Variants in MAPK10 observed in about 807,000 individuals in gnomAD.
MAPK10 encodes the protein mitogen-activated protein kinase 10.
MAPK10 carries 25 observed loss-of-function variants against 59.3 expected under a neutral mutation model. That is an observed-to-expected ratio of 0.42 (90% CI 0.31 to 0.59). The LOEUF is 0.59. Ranked by LOEUF, MAPK10 falls within the 20% of genes least tolerant of loss-of-function variation. The pLI, the probability that MAPK10 is intolerant of heterozygous loss-of-function variation, is 0.15. For synonymous variants in MAPK10, 190 were observed against 200.5 expected, an observed-to-expected ratio of 0.95 and a Z score of 0.44; for missense variants, 351 against 568.9, an observed-to-expected ratio of 0.62 and a Z score of 3.90.
intron 2 of MAPK10, among the ~76,000 whole-genome samples, chr4:86,247,173 T>C (rs181072017): frequency 6.6e-6 from 1 of 152,322 alleles, no homozygotes; most frequent in African/African-American, 2.4e-5. Context: ...GCGAAGCCTC[T>C]ATTGTACTAT....
intron 1 of MAPK10, among the ~76,000 whole-genome samples, chr4:86,379,806 G>T (rs542833009): frequency 6.6e-6 from 1 of 152,280 alleles, no homozygotes; most frequent in South Asian, 2.1e-4. Flanking sequence ...GAGGCTCTCA[G>T]CTCTGAAGGC....
At chr4:86,398,381 T>C (rs1226448700) in intron 1 of MAPK10, among the ~76,000 whole-genome samples, 2 of 152,142 alleles carry the variant, frequency 1.3e-5, no homozygotes, top group Non-Finnish European at 2.9e-5. Flanking sequence ...ATAGTATTAT[T>C]ATCAAAGTCC....
chr4:86,084,630 T>C (rs1294507990), intron 9 of MAPK10, among the ~76,000 whole-genome samples: 1 of 152,146 alleles, frequency 6.6e-6, no homozygotes, highest in African/African-American at 2.4e-5. Flanking sequence ...ATATTACATA[T>C]TCATTGATTG....
chr4:86,169,159 C>G (rs1427057027), intron 3 of MAPK10, among the ~76,000 whole-genome samples: 1 of 152,206 alleles, frequency 6.6e-6, no homozygotes. Flanking sequence ...CAGAGCGACT[C>G]TCCTCCTCCA....
chr4:86,116,241 C>A (rs1227134579), intron 4 of MAPK10, among the ~76,000 whole-genome samples: 2 of 152,172 alleles, frequency 1.3e-5, no homozygotes, highest in Non-Finnish European at 2.9e-5. Flanking sequence ...GTCTAGAGAT[C>A]CTGTCAGCCA....
chr4:86,250,705 A>T (rs1277301666), intron 2 of MAPK10, among the ~76,000 whole-genome samples: 1 of 152,158 alleles, frequency 6.6e-6, no homozygotes, highest in African/African-American at 2.4e-5. Flanking sequence ...TAAACCACAT[A>T]GTTTCTGAAA....
chr4:86,504,247 C>A (rs1755553848), intron 1 of MAPK10, among the ~76,000 whole-genome samples: 1 of 152,032 alleles, frequency 6.6e-6, no homozygotes, highest in South Asian at 2.1e-4. Flanking sequence ...GCACTTAATT[C>A]AATAAATATT....
intron 2 of MAPK10, among the ~76,000 whole-genome samples, chr4:86,199,712 A>T (rs1044652719): frequency 6.6e-6 from 1 of 152,054 alleles, no homozygotes; most frequent in Non-Finnish European, 1.5e-5. Context: ...TTATTTAAGC[A>T]TATGAAACAT....
chr4:86,509,173 G>T (rs1379276455), intron 1 of MAPK10, among the ~76,000 whole-genome samples: 2 of 151,890 alleles, frequency 1.3e-5, no homozygotes, highest in Non-Finnish European at 2.9e-5. Flanking sequence ...ATCTTAAAGG[G>T]CTTTCAAATT....
intron 1 of MAPK10, among the ~76,000 whole-genome samples, chr4:86,473,566 C>T (rs181103305): frequency 2.0e-5 from 3 of 152,296 alleles, no homozygotes; most frequent in Non-Finnish European, 2.9e-5. Flanking sequence ...TTCTCTGCTA[C>T]TCACATAGAG....
chr4:86,572,258 T>C (rs1279941988), intron 1 of MAPK10, among the ~76,000 whole-genome samples: 1 of 152,188 alleles, frequency 6.6e-6, no homozygotes, highest in African/African-American at 2.4e-5. Context: ...TGTGTAATAC[T>C]AGGAAACAAT....
intron 3 of MAPK10, among the ~76,000 whole-genome samples, chr4:86,160,059 C>A (rs752141151): frequency 2.0e-5 from 3 of 151,882 alleles, no homozygotes; most frequent in Non-Finnish European, 2.9e-5. Flanking sequence ...CAAAATTCTT[C>A]TTTGAATTAA....
rs1391909370 is a variant in MAPK10, at chr4:86,571,532, G to A, written c.-263+22378C>T. Among the ~76,000 whole-genome samples, 6 of 151,986 alleles carry A rather than the reference G, an allele frequency of 3.9e-5. No individual in the cohort carries two copies. The East Asian group carries it at 9.7e-4, about 24-fold the overall frequency. ...AACTGTCAAAAATAGGTTAAAAACC[G>A]GAAAGCATATGATCAAGTAACAATT... is the stretch of plus-strand genomic sequence containing the variant. On this transcript the variant is annotated intron_variant, in intron 1 of 4. Transcript: ENST00000502302.
At chr4:86,475,110 C>T (rs1752971268) in intron 1 of MAPK10, among the ~76,000 whole-genome samples, 1 of 152,116 alleles carries the variant, frequency 6.6e-6, no homozygotes, top group South Asian at 2.1e-4. Flanking sequence ...GGCCCCACTC[C>T]ATCTCTCTTC....
At chr4:86,423,845 A>C (rs901614456) in intron 1 of MAPK10, among the ~76,000 whole-genome samples, 30 of 149,222 alleles carry the variant, frequency 2.0e-4, no homozygotes, top group African/African-American at 6.9e-4. Flanking sequence ...CTCATGGATA[A>C]AAGAGAGTCA....
intron 2 of MAPK10, among the ~76,000 whole-genome samples, chr4:86,234,405 A>T (rs1440353980): frequency 2.0e-5 from 3 of 152,160 alleles, no homozygotes; most frequent in African/African-American, 7.2e-5. Context: ...AATTAATATC[A>T]TAATACTACT....
At chr4:86,249,444 A>C (rs2093303714) in intron 2 of MAPK10, among the ~76,000 whole-genome samples, 2 of 152,084 alleles carry the variant, frequency 1.3e-5, no homozygotes, top group South Asian at 2.1e-4. Flanking sequence ...TGTCCCTGTT[A>C]ATTTGGAAAG....
At chr4:86,434,641 T>C (rs1412861118) in intron 1 of MAPK10, among the ~76,000 whole-genome samples, 2 of 152,142 alleles carry the variant, frequency 1.3e-5, no homozygotes, top group Admixed American at 1.3e-4. Flanking sequence ...GGACAGGCAA[T>C]AACAGTTGCT....
intron 9 of MAPK10, among the ~76,000 whole-genome samples, chr4:86,092,749 C>G (rs979934650): frequency 3.9e-5 from 6 of 151,996 alleles, no homozygotes; most frequent in Non-Finnish European, 7.4e-5. Flanking sequence ...CTGTTGGAAA[C>G]TGCATTTTAT....
Sources: gnomAD v4.1 joint callset for allele counts (sites outside exome capture counted in the v4.1 genomes callset) on GRCh38, gnomAD v4.1.1 for gene constraint, MANE v1.5 for transcripts, NCBI Gene and HGNC (gene_info 2026-07-23, HGNC 2026-07-21) for gene names.